SFMBT2: variants seen among roughly 807,000 people sequenced by gnomAD.
SFMBT2 encodes Scm like with four mbt domains 2.
In SFMBT2, 38 loss-of-function variants were observed where a neutral mutation model predicts 110.1. The observed-to-expected ratio is 0.35, with a 90% CI of 0.27 to 0.45. SFMBT2 has a LOEUF of 0.45. SFMBT2 is among the 20% of genes least tolerant of loss of function. The probability of loss-of-function intolerance (pLI) is 1.00; values close to 1 mark genes in which losing one functional copy is unlikely to be tolerated. For missense variants in SFMBT2, 1,011 were observed against 1,094.9 expected (o/e 0.92, Z 1.08); for synonymous variants, 425 against 425.4 (o/e 1.00, Z 0.01).
In SFMBT2 at chr10:7,171,326, T is replaced by C; in HGVS notation, c.2416-270A>G. ...CTTGCATCCCTAGTTCAGGAAACCT[T>C]GGGCCTGCTTATGAACGAAGCATCT... On this transcript the variant is annotated intron_variant, in intron 19 of 20. Transcript: ENST00000397167. The surrounding 1 kb of genome is among the most constrained non-coding windows in gnomAD (Gnocchi z 4.9). The C allele has an allele frequency of 1.0e-6, 1 of 958,192 alleles. No individual in the cohort carries two copies. The highest frequency in any genetic ancestry group is 1.2e-6 in the Non-Finnish European group (1 of 805,074). 59.4% of individuals were successfully genotyped at this position (958,192 alleles called of 1,614,324 possible).
chr10:7,165,420 C>G (rs1837671143), intron 20 of SFMBT2, among the ~76,000 whole-genome samples: 1 of 152,210 alleles, frequency 6.6e-6, no homozygotes, highest in Non-Finnish European at 1.5e-5. Context: ...TAGCCTTGAG[C>G]AGACTAATCT....
intron 4 of SFMBT2, among the ~76,000 whole-genome samples, chr10:7,340,184 G>A (rs1351669693): frequency 6.6e-6 from 1 of 152,122 alleles, no homozygotes; most frequent in African/African-American, 2.4e-5. Flanking sequence ...CTAGAGAAAA[G>A]ACATGCTATT....
At chr10:7,274,707 T>C (rs1037582863) in intron 7 of SFMBT2, among the ~76,000 whole-genome samples, 1 of 152,110 alleles carries the variant, frequency 6.6e-6, no homozygotes, top group African/African-American at 2.4e-5. Flanking sequence ...ACTAATACAT[T>C]AGCTAGGTGT....
At position 7,208,510 on chromosome 10, in the gene SFMBT2, C is replaced by T. The variant is rs555836171; in HGVS notation, c.1331-2582G>A. ...GACCAGCCTGCCCAATATGGCAAAA[C>T]CTCATCTCTACTAAAAATACAAAAA... On this transcript the variant is annotated intron_variant, in intron 11 of 20. Coordinates refer to ENST00000397167, the MANE Select transcript of SFMBT2 (RefSeq NM_001387889.1). 9.1e-4 allele frequency among the ~76,000 whole-genome samples: 138 copies of T among 151,836 alleles called. 1 individual carries two copies. Among genetic ancestry groups the T allele is most frequent in the African/African-American group, 3.3e-3 (135 of 41,446 alleles).
chr10:7,309,224 C>A (rs1842780985), intron 4 of SFMBT2, among the ~76,000 whole-genome samples: 1 of 152,242 alleles, frequency 6.6e-6, no homozygotes, highest in Admixed American at 6.5e-5. Context: ...GGAAGGGGGA[C>A]CTTCTCCTGC....
At chr10:7,243,512 A>T in intron 9 of SFMBT2, 46 bp downstream of exon 9, 1 of 865,770 alleles carries the variant, frequency 1.2e-6, no homozygotes, top group Non-Finnish European at 2.0e-6. Context: ...ACAGTAAGAC[A>T]CCCTCCTGAA....
At chr10:7,350,216 T>A (rs759408650) in intron 4 of SFMBT2, among the ~76,000 whole-genome samples, 1 of 151,830 alleles carries the variant, frequency 6.6e-6, no homozygotes, top group African/African-American at 2.4e-5. Flanking sequence ...ATGGGGTCCA[T>A]CCCGCTGATG....
rs1837619475 is a variant in SFMBT2, at chr10:7,163,836, A to G, written c.2619T>C (p.Pro873=). The G allele has an allele frequency of 2.5e-6, 4 of 1,614,230 alleles. No individual in the cohort carries two copies. Among genetic ancestry groups the G allele is most frequent in the Non-Finnish European group, 1.7e-6 (2 of 1,180,042 alleles). Residue 873 remains proline, a synonymous_variant, in exon 21 of 21, where the codon CCT becomes CCC. Transcript: ENST00000397167. The surrounding 1 kb of genome is among the most constrained non-coding windows in gnomAD (Gnocchi z 4.8). ...CGATCTGGTGGCATAACTTGATGGC[A>G]GGCCCCAGCTTCAGCTCCATGCACT... ...VQECMELKLG[P]AIKLCHQIER...
rs1024973800 is a variant in SFMBT2 at position 7,237,998 on chromosome 10, G to A, written c.1120+5560C>T. Reference sequence around the variant, plus strand: ...GAGTGACTGGGACAGACTGAGTGGGGAGTCGGGAGATGACGCTGGACAGGG... The same window carrying A: ...GAGTGACTGGGACAGACTGAGTGGGAAGTCGGGAGATGACGCTGGACAGGG... On this transcript the variant is annotated intron_variant, in intron 9 of 20. Transcript: ENST00000397167. 2.0e-5 allele frequency among the ~76,000 whole-genome samples: 3 copies of A among 152,208 alleles called. No homozygotes were observed. The East Asian group carries it at 5.8e-4, about 29-fold the overall frequency.
At chr10:7,300,937 G>A (rs899657091) in intron 4 of SFMBT2, among the ~76,000 whole-genome samples, 20 of 152,180 alleles carry the variant, frequency 1.3e-4, no homozygotes, top group Admixed American at 5.9e-4. Flanking sequence ...AAACACACAG[G>A]CTGACTGTTT....
chr10:7,355,926 T>C (rs982283234), intron 4 of SFMBT2, among the ~76,000 whole-genome samples: 2 of 152,246 alleles, frequency 1.3e-5, no homozygotes, highest in African/African-American at 4.8e-5. Context: ...AAAGTGATTC[T>C]TCACTCTGTA....
rs1295631869 is a variant in SFMBT2, at chr10:7,172,157, T to C, written c.2153A>G (p.Glu718Gly). The stretch of plus-strand genomic sequence containing the variant: ...GGCGTCAGCGTCCTCCTCTTCACTT[T>C]CCTGGGAAGGAGGAAAAGGCATTTA... ...AVDFTAGSGE[E>G]SEEEDADAMD... The change falls in exon 19 of 21, where the codon GAA (glutamate) becomes GGA (glycine). Residue 718 changes from glutamate (E) to glycine (G), a missense_variant and splice_region_variant. By Grantham distance (98) the Glu-to-Gly change is moderately conservative. Around this residue, in one of 2 missense-constraint regions of SFMBT2, gnomAD observed 979 missense variants for 1,016.1 expected, o/e 0.96. Coordinates refer to ENST00000397167, the MANE Select transcript of SFMBT2 (RefSeq NM_001387889.1). The surrounding 1 kb of genome is among the most constrained non-coding windows in gnomAD (Gnocchi z 4.6). The C allele has an allele frequency of 1.3e-6, 2 of 1,543,482 alleles. No individual in the cohort carries two copies. The highest frequency in any genetic ancestry group is 1.7e-6 in the Non-Finnish European group (2 of 1,144,556).
chr10:7,290,834 C>T (rs776548831), intron 4 of SFMBT2, among the ~76,000 whole-genome samples: 1 of 152,046 alleles, frequency 6.6e-6, no homozygotes, highest in Non-Finnish European at 1.5e-5. Flanking sequence ...AAGACCATGT[C>T]TGTAAAAAAA....
At chr10:7,202,403 C>G (rs1465116845) in intron 13 of SFMBT2, 77 bp downstream of exon 13, 1 of 1,573,878 alleles carries the variant, frequency 6.4e-7, no homozygotes, top group African/African-American at 1.3e-5. Context: ...ATAAAAACAG[C>G]CATGCTTCCC....
chr10:7,300,749 C>T lies in SFMBT2; in HGVS notation c.437-14795G>A, dbSNP rs1842535055. Among the ~76,000 whole-genome samples, 3 of 152,194 alleles carry T rather than the reference C, an allele frequency of 2.0e-5. No individual in the cohort carries two copies. In the South Asian group the frequency reaches 6.2e-4, roughly 31 times the overall value. On this transcript the variant is annotated intron_variant, in intron 4 of 20. Coordinates refer to ENST00000397167, the MANE Select transcript of SFMBT2 (RefSeq NM_001387889.1). ...GAGCAGAAATCTAATAAACAATTGG[C>T]AAATGCACAAATGTATTTTTAAGAA...
intron 1 of SFMBT2, among the ~76,000 whole-genome samples, chr10:7,388,334 A>ATGT (rs894235292): frequency 2.0e-5 from 3 of 150,600 alleles, no homozygotes; most frequent in African/African-American, 7.3e-5. Flanking sequence ...AAGGATGATG[A>ATGT]TGATGATGAT....
chr10:7,181,636 T>C (rs1838248846), intron 16 of SFMBT2, among the ~76,000 whole-genome samples: 1 of 152,238 alleles, frequency 6.6e-6, no homozygotes, highest in Non-Finnish European at 1.5e-5. Flanking sequence ...TGAGCATTTC[T>C]GAGCACTATT....
chr10:7,283,551 T>G (rs145563960), intron 6 of SFMBT2, among the ~76,000 whole-genome samples: 7 of 152,300 alleles, frequency 4.6e-5, no homozygotes, highest in Non-Finnish European at 8.8e-5. Flanking sequence ...GGTACACAGA[T>G]GGCCAGAGAT....
intron 16 of SFMBT2, among the ~76,000 whole-genome samples, chr10:7,185,789 A>G (rs1210086484): frequency 6.6e-6 from 1 of 151,976 alleles, no homozygotes; most frequent in Non-Finnish European, 1.5e-5. Context: ...ATGCTGAAAA[A>G]CATATTTAAA....
Sources: allele counts gnomAD v4.1 joint callset (sites outside exome capture counted in the v4.1 genomes callset), GRCh38; gene constraint gnomAD v4.1.1; regional missense constraint gnomAD v4.1.1; non-coding constraint Gnocchi (gnomAD v3.1); transcripts MANE v1.5; gene names NCBI Gene and HGNC (gene_info 2026-07-23, HGNC 2026-07-21).